Variants in CPEB1 observed in about 807,000 individuals in gnomAD.
The protein encoded by CPEB1 is cytoplasmic polyadenylation element-binding protein 1.
CPEB1 carries 7 observed loss-of-function variants against 65.8 expected under a neutral mutation model. The observed-to-expected ratio is 0.11, with a 90% CI of 0.06 to 0.20. The LOEUF (loss-of-function observed/expected upper bound fraction) is 0.20, where lower values mean the gene tolerates loss of function less well. CPEB1 is among the 10% of genes least tolerant of loss of function. The pLI is 1.00. For missense variants in CPEB1, 551 were observed against 712.2 expected, an observed-to-expected ratio of 0.77 and a Z score of 2.58; for synonymous variants, 262 against 260.0, an observed-to-expected ratio of 1.01 and a Z score of -0.08.
chr15:82,598,319 C>T (rs2042823571), intron 3 of CPEB1, among the ~76,000 whole-genome samples: 1 of 151,402 alleles, frequency 6.6e-6, no homozygotes, highest in African/African-American at 2.4e-5. Flanking sequence ...CATGGTGAAA[C>T]CTCATCTCTA....
At chr15:82,561,855 G>A (rs1487097547) in intron 4 of CPEB1, among the ~76,000 whole-genome samples, 4 of 152,048 alleles carry the variant, frequency 2.6e-5, no homozygotes, top group Admixed American at 1.3e-4. Context: ...GAAAACCCAC[G>A]CTGGTCACTA....
At chr15:82,645,335 G>A (rs587685637) in intron 1 of CPEB1, among the ~76,000 whole-genome samples, 22 of 152,034 alleles carry the variant, frequency 1.4e-4, no homozygotes, top group Admixed American at 2.6e-4. Context: ...GTATTTTTAG[G>A]AGAGACGGGA....
chr15:82,558,762 A>G (rs964496561), intron 4 of CPEB1, among the ~76,000 whole-genome samples: 2 of 152,222 alleles, frequency 1.3e-5, no homozygotes, highest in Non-Finnish European at 2.9e-5. Flanking sequence ...CCAGATGGAA[A>G]GAGCTCAGCA....
chr15:82,561,778 A>G (rs1367598113), intron 4 of CPEB1, among the ~76,000 whole-genome samples: 1 of 152,202 alleles, frequency 6.6e-6, no homozygotes, highest in Non-Finnish European at 1.5e-5. Context: ...AAATTCCTGT[A>G]CAAAGCTAGG....
chr15:82,583,046 C>T (rs528478825), intron 3 of CPEB1, among the ~76,000 whole-genome samples: 17 of 152,198 alleles, frequency 1.1e-4, no homozygotes, highest in Admixed American at 5.2e-4. Context: ...CCCTCACCCT[C>T]CCCACTACTC....
intron 3 of CPEB1, among the ~76,000 whole-genome samples, chr15:82,585,250 T>C (rs1327406305): frequency 6.6e-6 from 1 of 152,140 alleles, no homozygotes; most frequent in Admixed American, 6.6e-5. Flanking sequence ...TACTCATTTA[T>C]TCTCCAGACA....
chr15:82,576,885 A>T (rs963317038), intron 3 of CPEB1, among the ~76,000 whole-genome samples: 4 of 152,144 alleles, frequency 2.6e-5, no homozygotes, highest in African/African-American at 4.8e-5. Flanking sequence ...TCAGCCGGGC[A>T]TGGTGGGTGC....
At chr15:82,584,130 G>A (rs2041545715) in intron 3 of CPEB1, among the ~76,000 whole-genome samples, 1 of 151,686 alleles carries the variant, frequency 6.6e-6, no homozygotes, top group African/African-American at 2.4e-5. Context: ...ATGGCGGTGG[G>A]CGCCTGCAGT....
At chr15:82,624,832 A>AC (rs2045618928) in intron 3 of CPEB1, among the ~76,000 whole-genome samples, 3 of 110,464 alleles carry the variant, frequency 2.7e-5, no homozygotes, top group Admixed American at 2.6e-4. Flanking sequence ...TGAGTGTCAT[A>AC]CTTTTTTTTT....
At chr15:82,599,628 T>C (rs2042938978) in intron 3 of CPEB1, among the ~76,000 whole-genome samples, 1 of 152,178 alleles carries the variant, frequency 6.6e-6, no homozygotes, top group Non-Finnish European at 1.5e-5. Context: ...TGGAATCTCT[T>C]TGCCCATCTC....
upstream of CPEB1, chr15:82,647,796 A>C: frequency 7.9e-7 from 1 of 1,257,908 alleles, no homozygotes; most frequent in South Asian, 2.7e-5. Context: ...CTGCGCGCGG[A>C]CCGTTAGCTA....
At chr15:82,625,389 C>G (rs1479901700) in intron 3 of CPEB1, among the ~76,000 whole-genome samples, 1 of 152,144 alleles carries the variant, frequency 6.6e-6, no homozygotes, top group African/African-American at 2.4e-5. Flanking sequence ...ATGCCTCTCC[C>G]TCAAACATTA....
At chr15:82,572,443 T>TG (rs2040173874) in intron 3 of CPEB1, among the ~76,000 whole-genome samples, 1 of 152,064 alleles carries the variant, frequency 6.6e-6, no homozygotes, top group African/African-American at 2.4e-5. Flanking sequence ...TCAAAGGACA[T>TG]GGCCCACAAC....
intron 5 of CPEB1, among the ~76,000 whole-genome samples, chr15:82,557,172 C>T (rs1145170): frequency 0.19 from 28,557 of 152,128 alleles, 3,334 homozygotes; most frequent in South Asian, 0.4. Context: ...GCATGAAGAC[C>T]ACACGCATCA....
chr15:82,631,368 T>G (rs1007536957), intron 1 of CPEB1, among the ~76,000 whole-genome samples: 1 of 151,966 alleles, frequency 6.6e-6, no homozygotes, highest in African/African-American at 2.4e-5. Flanking sequence ...CAATGTATAT[T>G]CCAAACTGTT....
chr15:82,627,102 CA>C, intron 3 of CPEB1, 90 bp downstream of exon 3: 1 of 1,052,460 alleles, frequency 9.5e-7, no homozygotes, highest in Middle Eastern at 2.8e-4. Context: ...TTGTTCTTCA[CA>C]AGCTTTCCAA....
intron 3 of CPEB1, chr15:82,571,819 C>CGGCTGAG: frequency 8.2e-7 from 1 of 1,221,998 alleles, no homozygotes; most frequent in Non-Finnish European, 1.0e-6. Context: ...TGACATCAGC[C>CGGCTGAG]GGCTGAGCCG....
chr15:82,587,254 A>G (rs1041896143), intron 3 of CPEB1, among the ~76,000 whole-genome samples: 1 of 152,228 alleles, frequency 6.6e-6, no homozygotes, highest in African/African-American at 2.4e-5. Context: ...ACAGAAGGAC[A>G]GTATCTCCAT....
intron 1 of CPEB1, chr15:82,638,135 G>A: frequency 7.0e-6 from 2 of 285,008 alleles, no homozygotes; most frequent in Non-Finnish European, 7.3e-6. Context: ...ATACATAGTT[G>A]GAAAAAGGAG....
Sources: allele counts gnomAD v4.1 joint callset (sites outside exome capture counted in the v4.1 genomes callset), GRCh38; gene constraint gnomAD v4.1.1; transcripts MANE v1.5; gene names NCBI Gene and HGNC (gene_info 2026-07-23, HGNC 2026-07-21).